PCSK5: variants seen among roughly 807,000 people sequenced by gnomAD.
PCSK5 encodes the protein proprotein convertase subtilisin/kexin type 5.
A neutral mutation model predicts 233.2 loss-of-function variants in PCSK5; 129 were observed. The observed-to-expected ratio is 0.55, with a 90% CI of 0.48 to 0.64. The LOEUF is 0.64. Among genes scored for constraint, PCSK5 ranks in the 30% least tolerant of loss-of-function variants. The probability of loss-of-function intolerance (pLI) is 0.00; values close to 1 mark genes in which losing one functional copy is unlikely to be tolerated. For missense variants in PCSK5, 2,076 were observed against 2,430.1 expected (o/e 0.85, Z 3.06); for synonymous variants, 825 against 879.2 (o/e 0.94, Z 1.09).
chr9:76,332,586 A>G lies in PCSK5; in HGVS notation c.4724A>G (p.Glu1575Gly). The change falls in exon 34 of 38, where the codon GAG (glutamate) becomes GGG (glycine). Residue 1575 changes from glutamate (E) to glycine (G), a missense_variant. By Grantham distance (98) the Glu-to-Gly change is moderately conservative. This residue lies in a region of PCSK5 where 1,510 missense variants were observed against 1,538.1 expected (regional missense o/e 0.98). Transcript: ENST00000674117. ...CCGGGCTGGTTCCAGCTAGGAAAAG[A>G]GTGCCTGCTCCAGTGCAGGGAAGGG... ...CRPGWFQLGKECLLQCREGYY... is the reference protein window; with the variant it reads ...CRPGWFQLGKGCLLQCREGYY... The G allele has an allele frequency of 6.2e-7, 1 of 1,600,988 alleles. No individual in the cohort carries two copies. The highest frequency in any genetic ancestry group is 8.5e-7 in the Non-Finnish European group (1 of 1,173,538).
chr9:75,897,493 T>C (rs1013471635), intron 1 of PCSK5, among the ~76,000 whole-genome samples: 1 of 142,084 alleles, frequency 7.0e-6, no homozygotes, highest in Admixed American at 6.9e-5. Flanking sequence ...TCTTTTCTTT[T>C]TTTTTTTTTT....
chr9:76,062,432 A>G (rs539851882), intron 5 of PCSK5, among the ~76,000 whole-genome samples: 2 of 152,340 alleles, frequency 1.3e-5, no homozygotes, highest in East Asian at 3.9e-4. Flanking sequence ...AAATATTTGA[A>G]AAATGTTCAA....
chr9:76,237,273 G>T (rs1315504218), intron 22 of PCSK5, among the ~76,000 whole-genome samples: 1 of 152,154 alleles, frequency 6.6e-6, no homozygotes, highest in African/African-American at 2.4e-5. Flanking sequence ...ATGCACATTA[G>T]TCCTTCCAAA....
At chr9:76,235,855 C>T (rs1242859888) in intron 22 of PCSK5, among the ~76,000 whole-genome samples, 1 of 152,108 alleles carries the variant, frequency 6.6e-6, no homozygotes, top group African/African-American at 2.4e-5. Flanking sequence ...TAGCAGAGAC[C>T]TTGATAACAC....
intron 34 of PCSK5, among the ~76,000 whole-genome samples, chr9:76,337,833 T>G (rs941233124): frequency 3.3e-5 from 4 of 121,634 alleles, no homozygotes; most frequent in African/African-American, 1.2e-4. Flanking sequence ...GACACCCATC[T>G]CTGTTTTAAA....
intron 12 of PCSK5, among the ~76,000 whole-genome samples, chr9:76,165,039 A>G (rs999221716): frequency 6.6e-6 from 1 of 152,164 alleles, no homozygotes; most frequent in Admixed American, 6.5e-5. Context: ...AGATTAGGAA[A>G]GAGAGAAAAA....
At chr9:75,979,504 A>G (rs1036905296) in intron 2 of PCSK5, among the ~76,000 whole-genome samples, 1 of 152,174 alleles carries the variant, frequency 6.6e-6, no homozygotes, top group Non-Finnish European at 1.5e-5. Context: ...AGTCGACCAG[A>G]TGGCTGGGGT....
chr9:76,031,423 T>A (rs1828648243), intron 5 of PCSK5, among the ~76,000 whole-genome samples: 2 of 152,276 alleles, frequency 1.3e-5, no homozygotes, highest in South Asian at 4.1e-4. Context: ...GCACAGTGAC[T>A]CACACCTGTA....
chr9:76,248,701 A>G (rs2131341458), intron 24 of PCSK5, among the ~76,000 whole-genome samples: 1 of 152,356 alleles, frequency 6.6e-6, no homozygotes, highest in South Asian at 2.1e-4. Context: ...TATACATAAC[A>G]TCACTATTAT....
Position 76,359,065 on chromosome 9 carries a change from A to G in PCSK5, c.*143A>G, listed in dbSNP as rs775812035. The G allele has an allele frequency of 1.6e-6, 1 of 632,028 alleles. No individual in the cohort carries two copies. The highest frequency in any genetic ancestry group is 2.7e-6 in the Non-Finnish European group (1 of 364,484). The allele number at this position is 632,028 out of a possible 1,614,324, so 39.2% of individuals were successfully genotyped here. A position where few individuals can be genotyped will look rare whatever the true frequency, so the allele number is the denominator to read the frequency against. Reference sequence around the variant, plus strand: ...AACCATGAGTCCAACCAGAATATGTAAGAATGATGAAATACTTTGTTCTTC... The same window carrying G: ...AACCATGAGTCCAACCAGAATATGTGAGAATGATGAAATACTTTGTTCTTC... On this transcript the variant is annotated 3_prime_UTR_variant, in exon 38 of 38. Coordinates refer to ENST00000674117, the MANE Select transcript of PCSK5 (RefSeq NM_001372043.1).
intron 24 of PCSK5, among the ~76,000 whole-genome samples, chr9:76,255,879 A>C (rs565696171): frequency 5.9e-5 from 9 of 152,248 alleles, no homozygotes; most frequent in African/African-American, 2.2e-4. Context: ...TAGATGAAAA[A>C]ACCAATGCCC....
In PCSK5 at chr9:76,338,236, C is replaced by T. The variant is rs375144439; in HGVS notation, c.4755C>T (p.Tyr1585=). ...ECLLQCREGY[Y]ADNSTGRCER... ...TCTTCTCCTTTGGTTTCAGATATTA[C>T]GCAGACAACTCCACTGGCCGGTGTG... The change falls in exon 35 of 38, where the codon TAC becomes TAT. Residue 1585 remains tyrosine, a synonymous_variant. Transcript: ENST00000674117. The T allele has an allele frequency of 3.9e-5, 62 of 1,610,068 alleles. No individual in the cohort carries two copies. The highest frequency in any genetic ancestry group is 1.3e-4 in the South Asian group (12 of 90,656).
intron 1 of PCSK5, among the ~76,000 whole-genome samples, chr9:75,915,399 TAAG>T (rs1822943373): frequency 6.6e-6 from 1 of 152,218 alleles, no homozygotes; most frequent in Non-Finnish European, 1.5e-5. Flanking sequence ...CAGTCACTGT[TAAG>T]AATCAAAATT....
In PCSK5 at chr9:76,031,668, G is replaced by A. The variant is rs181485210; in HGVS notation, c.632+4631G>A. ...TGTGCCACTGCACTCCAGCCTGGGC[G>A]AAAGAGCGAGACCCTGTCTCAAAAA... On this transcript the variant is annotated intron_variant, in intron 5 of 37. Transcript: ENST00000674117. Among the ~76,000 whole-genome samples, 227 of 152,210 alleles carry A rather than the reference G, an allele frequency of 1.5e-3. 1 individual carries two copies. The highest frequency in any genetic ancestry group is 2.5e-3 in the Non-Finnish European group (170 of 68,020).
At chr9:76,025,918 A>G (rs559719851) in intron 4 of PCSK5, among the ~76,000 whole-genome samples, 24 of 152,136 alleles carry the variant, frequency 1.6e-4, no homozygotes, top group Non-Finnish European at 3.4e-4. Flanking sequence ...TTTTTAAAAT[A>G]CCAAAATAAT....
chr9:76,254,870 A>ATATC (rs2131350078), intron 24 of PCSK5, among the ~76,000 whole-genome samples: 1 of 152,364 alleles, frequency 6.6e-6, no homozygotes, highest in Admixed American at 6.5e-5. Flanking sequence ...GCGATAGGCC[A>ATATC]GAAGTTCTCA....
intron 22 of PCSK5, among the ~76,000 whole-genome samples, chr9:76,238,603 C>T (rs771601043): frequency 1.3e-5 from 2 of 152,188 alleles, no homozygotes; most frequent in Non-Finnish European, 2.9e-5. Flanking sequence ...AGTCTGAGAG[C>T]TTTCACAGAT....
At chr9:75,966,397 CAGCTGA>C (rs370558401) in intron 2 of PCSK5, among the ~76,000 whole-genome samples, 2 of 152,320 alleles carry the variant, frequency 1.3e-5, no homozygotes, top group African/African-American at 4.8e-5. Context: ...TCATGGTTGT[CAGCTGA>C]AGTGTCTCCC....
intron 2 of PCSK5, among the ~76,000 whole-genome samples, chr9:75,959,688 G>T (rs1434263634): frequency 1.3e-5 from 2 of 152,184 alleles, no homozygotes; most frequent in Non-Finnish European, 2.9e-5. Context: ...CGGCACAAAT[G>T]GAGATATTTG....
Sources: gnomAD v4.1 joint callset for allele counts (sites outside exome capture counted in the v4.1 genomes callset) on GRCh38, gnomAD v4.1.1 for gene constraint, gnomAD v4.1.1 regional missense constraint, MANE v1.5 for transcripts, NCBI Gene and HGNC (gene_info 2026-07-23, HGNC 2026-07-21) for gene names.